Variants in PRKCB observed in about 807,000 individuals in gnomAD.
The protein encoded by PRKCB is protein kinase C beta type.
A neutral mutation model predicts 81.5 loss-of-function variants in PRKCB; 13 were observed. The observed-to-expected ratio is 0.16, with a 90% CI of 0.10 to 0.25. The LOEUF (loss-of-function observed/expected upper bound fraction) is 0.25, where lower values mean the gene tolerates loss of function less well. PRKCB is among the 10% of genes least tolerant of loss of function. The probability of loss-of-function intolerance (pLI) is 1.00; values close to 1 mark genes in which losing one functional copy is unlikely to be tolerated. For synonymous variants in PRKCB, 335 were observed against 321.4 expected (o/e 1.04, Z -0.45); for missense variants, 509 against 875.7 (o/e 0.58, Z 5.29).
intron 2 of PRKCB, among the ~76,000 whole-genome samples, chr16:23,922,272 T>G (rs1963836475): frequency 6.6e-6 from 1 of 152,224 alleles, no homozygotes; most frequent in Admixed American, 6.5e-5. Context: ...GAACCCATGT[T>G]GAATTGAATA....
intron 3 of PRKCB, among the ~76,000 whole-genome samples, chr16:24,011,176 A>G (rs919899337): frequency 2.6e-5 from 4 of 151,196 alleles, no homozygotes; most frequent in Admixed American, 1.3e-4. Context: ...CCACCACTCT[A>G]TTTTTTTTTA....
At chr16:23,977,481 A>G (rs188609883) in intron 2 of PRKCB, among the ~76,000 whole-genome samples, 2 of 152,298 alleles carry the variant, frequency 1.3e-5, no homozygotes, top group African/African-American at 4.8e-5. Flanking sequence ...CTGGGGAGCC[A>G]GGACTGAGAA....
chr16:24,038,755 A>G (rs1965658569), intron 5 of PRKCB, among the ~76,000 whole-genome samples: 1 of 152,236 alleles, frequency 6.6e-6, no homozygotes, highest in Admixed American at 6.5e-5. Flanking sequence ...TTCCTTCCTC[A>G]GGCAGGGAAA....
In PRKCB at chr16:24,219,849, G is replaced by T; in HGVS notation, c.*5033G>T. On this transcript the variant is annotated 3_prime_UTR_variant, in exon 17 of 17. Transcript: ENST00000643927. ...AGCTGCTAAAAATTTTCAGCACAGG[G>T]CTCTTTCTGACTCTGCTCATGAGAT... 7.0e-7 allele frequency: 1 copy of T among 1,434,194 alleles called. No homozygotes were observed. The allele number at this position is 1,434,194 out of a possible 1,614,324, so 88.8% of individuals were successfully genotyped here.
chr16:24,015,341 C>T (rs1315340772), intron 3 of PRKCB, among the ~76,000 whole-genome samples: 1 of 152,186 alleles, frequency 6.6e-6, no homozygotes, highest in Non-Finnish European at 1.5e-5. Flanking sequence ...TGGAAATTAC[C>T]AGAGCTGGTG....
chr16:24,077,679 G>A (rs1240554119), intron 5 of PRKCB, among the ~76,000 whole-genome samples: 2 of 152,194 alleles, frequency 1.3e-5, no homozygotes, highest in Admixed American at 1.3e-4. Flanking sequence ...GACAATGAAA[G>A]GAGGAAGCAT....
intron 5 of PRKCB, among the ~76,000 whole-genome samples, chr16:24,090,611 G>A (rs1188959202): frequency 1.3e-5 from 2 of 152,150 alleles, no homozygotes; most frequent in Non-Finnish European, 2.9e-5. Context: ...AAAGCAAGAG[G>A]GAATAGGGAG....
At chr16:23,918,126 G>A (rs1295768104) in intron 2 of PRKCB, among the ~76,000 whole-genome samples, 1 of 152,130 alleles carries the variant, frequency 6.6e-6, no homozygotes, top group East Asian at 1.9e-4. Flanking sequence ...AACAAGAGGG[G>A]CAGTTTGACT....
At chr16:24,164,126 T>C (rs1482903469) in intron 10 of PRKCB, among the ~76,000 whole-genome samples, 2 of 152,228 alleles carry the variant, frequency 1.3e-5, no homozygotes, top group Non-Finnish European at 2.9e-5. Context: ...CTGTTCATGG[T>C]ATCTGATTAA....
chr16:24,179,598 G>T (rs1366597768), intron 12 of PRKCB, among the ~76,000 whole-genome samples: 3 of 152,172 alleles, frequency 2.0e-5, no homozygotes. Flanking sequence ...GTGTGCTAAA[G>T]ACCTACAACT....
At chr16:23,954,189 T>A (rs1249346510) in intron 2 of PRKCB, among the ~76,000 whole-genome samples, 1 of 152,130 alleles carries the variant, frequency 6.6e-6, no homozygotes, top group Admixed American at 6.5e-5. Flanking sequence ...CCTCAGGTGA[T>A]CTGCCCACCT....
In PRKCB at chr16:24,052,307, C is replaced by T. The variant is rs114119254; in HGVS notation, c.529+16760C>T. Among the ~76,000 whole-genome samples the T allele has an allele frequency of 7.8e-3, 1,190 of 152,222 alleles. 20 individuals are homozygous for T. The highest frequency in any genetic ancestry group is 0.027 in the African/African-American group (1,114 of 41,518). On this transcript the variant is annotated intron_variant, in intron 5 of 16. Coordinates refer to ENST00000643927, the MANE Select transcript of PRKCB (RefSeq NM_002738.7). Reference sequence around the variant, plus strand: ...AGAATTTGAATTTCTAACAGGTCCCCAGAGAATGCTGGTGTGTTCACACTC... The same window carrying T: ...AGAATTTGAATTTCTAACAGGTCCCTAGAGAATGCTGGTGTGTTCACACTC...
At chr16:23,895,138 GTTTT>G (rs990336281) in intron 2 of PRKCB, among the ~76,000 whole-genome samples, 1 of 151,932 alleles carries the variant, frequency 6.6e-6, no homozygotes, top group Admixed American at 6.6e-5. Flanking sequence ...AATGTGTTAT[GTTTT>G]TTTAAGAATA....
chr16:24,211,989 C>G (rs1479519048), intron 16 of PRKCB, among the ~76,000 whole-genome samples: 1 of 152,178 alleles, frequency 6.6e-6, no homozygotes, highest in Non-Finnish European at 1.5e-5. Context: ...GCGTGCACCT[C>G]TTGACTTTCT....
chr16:23,930,474 T>C (rs1205482322), intron 2 of PRKCB, among the ~76,000 whole-genome samples: 4 of 151,912 alleles, frequency 2.6e-5, no homozygotes, highest in Non-Finnish European at 5.9e-5. Context: ...GAGGCTGAGG[T>C]GGGAGAACTA....
chr16:23,839,764 A>C (rs1279026660), intron 2 of PRKCB, among the ~76,000 whole-genome samples: 1 of 152,226 alleles, frequency 6.6e-6, no homozygotes, highest in African/African-American at 2.4e-5. Flanking sequence ...AAACGGAGTC[A>C]GTAACAGTAC....
At chr16:24,066,505 C>T (rs1377277142) in intron 5 of PRKCB, among the ~76,000 whole-genome samples, 1 of 152,116 alleles carries the variant, frequency 6.6e-6, no homozygotes. Context: ...TCCCGTATAC[C>T]TTTCACTCAG....
At chr16:23,850,222 T>C (rs1186333165) in intron 2 of PRKCB, among the ~76,000 whole-genome samples, 2 of 152,234 alleles carry the variant, frequency 1.3e-5, no homozygotes, top group African/African-American at 4.8e-5. Context: ...ATTCATCCTC[T>C]GTTGAACACT....
intron 2 of PRKCB, among the ~76,000 whole-genome samples, chr16:23,896,078 A>ATT (rs56293467): frequency 0.013 from 1,840 of 146,856 alleles, 37 homozygotes; most frequent in African/African-American, 0.034. Flanking sequence ...ATCCATTCAC[A>ATT]TTTTTTTTTT....
Sources: gnomAD v4.1 joint callset for allele counts (sites outside exome capture counted in the v4.1 genomes callset) on GRCh38, gnomAD v4.1.1 for gene constraint, MANE v1.5 for transcripts, NCBI Gene and HGNC (gene_info 2026-07-23, HGNC 2026-07-21) for gene names.